PACSIN2: variants seen among roughly 807,000 people sequenced by gnomAD.
PACSIN2 encodes the protein protein kinase C and casein kinase substrate in neurons 2.
In PACSIN2, 25 loss-of-function variants were observed where a neutral mutation model predicts 63.8. That is an observed-to-expected ratio of 0.39 (90% CI 0.29 to 0.55). PACSIN2 has a LOEUF of 0.55. Among genes scored for constraint, PACSIN2 ranks in the 20% least tolerant of loss-of-function variants. PACSIN2 has a pLI of 0.62. For synonymous variants in PACSIN2, 255 were observed against 256.2 expected (o/e 1.00, Z 0.05); for missense variants, 518 against 646.9 (o/e 0.80, Z 2.16).
chr22:42,910,405 G>C (rs1931370072), intron 2 of PACSIN2, among the ~76,000 whole-genome samples: 1 of 152,238 alleles, frequency 6.6e-6, no homozygotes, highest in Non-Finnish European at 1.5e-5. Flanking sequence ...TCTCACAGCT[G>C]CTGCCAGCTC....
At chr22:42,884,353 T>C (rs1929308937) in intron 6 of PACSIN2, 33 bp downstream of exon 6, 1 of 1,589,426 alleles carries the variant, frequency 6.3e-7, no homozygotes, top group African/African-American at 1.3e-5. Context: ...TTGACTTCAA[T>C]GACGTGTGTG....
At chr22:42,937,050 A>G (rs1305449966) in intron 1 of PACSIN2, among the ~76,000 whole-genome samples, 1 of 152,254 alleles carries the variant, frequency 6.6e-6, no homozygotes, top group East Asian at 1.9e-4. Context: ...CTGTGCAGCC[A>G]CACGGTGTTC....
At position 42,876,203 on chromosome 22, in the gene PACSIN2, C is replaced by T; in HGVS notation, c.1282G>A (p.Glu428Lys). The change falls in exon 10 of 11, where the codon GAA (glutamate) becomes AAA (lysine). Residue 428 changes from glutamate to lysine, a missense_variant. Coordinates refer to ENST00000263246, the MANE Select transcript of PACSIN2 (RefSeq NM_001184970.3). Reference protein sequence around the residue: ...PFDDDATSGTEVRVRALYDYE... With the variant: ...PFDDDATSGTKVRVRALYDYE... Reference sequence around the variant, plus strand: ...TCATACAGGGCCCGGACTCGCACTTCCGTCCCCGAGGTGGCGTCGTCGTCG... The same window carrying T: ...TCATACAGGGCCCGGACTCGCACTTTCGTCCCCGAGGTGGCGTCGTCGTCG... 1 of 1,614,256 alleles carries T rather than the reference C, an allele frequency of 6.2e-7. No homozygotes were observed. The highest frequency in any genetic ancestry group is 8.5e-7 in the Non-Finnish European group (1 of 1,180,052).
In PACSIN2 at chr22:42,921,246, C is replaced by T. The variant is rs115733401; in HGVS notation, c.-77-9089G>A. Among the ~76,000 whole-genome samples, 1,289 of 151,970 alleles carry T rather than the reference C, an allele frequency of 8.5e-3. 18 individuals are homozygous for T. Among genetic ancestry groups the T allele is most frequent in the African/African-American group, 0.03 (1,246 of 41,442 alleles). ...TGGTGGCACACGCCTGTAGTTCTAG[C>T]TGCTCGGGAGGCTGAGCCAGGAGAA... On this transcript the variant is annotated intron_variant, in intron 1 of 10. Coordinates refer to ENST00000263246, the MANE Select transcript of PACSIN2 (RefSeq NM_001184970.3).
chr22:42,880,419 G>T (rs190039349), intron 7 of PACSIN2, among the ~76,000 whole-genome samples: 141 of 152,248 alleles, frequency 9.3e-4, no homozygotes, highest in Middle Eastern at 6.8e-3. Context: ...CATCCTGATT[G>T]GGTGGCTTCC....
At chr22:42,893,258 C>T (rs1930041276) in intron 3 of PACSIN2, among the ~76,000 whole-genome samples, 199 bp downstream of exon 3, 1 of 152,252 alleles carries the variant, frequency 6.6e-6, no homozygotes, top group Non-Finnish European at 1.5e-5. Flanking sequence ...TGGACAAAAG[C>T]TCATGGAGCC....
intron 1 of PACSIN2, among the ~76,000 whole-genome samples, chr22:42,930,970 T>G (rs1349124099): frequency 6.6e-6 from 1 of 152,072 alleles, no homozygotes; most frequent in African/African-American, 2.4e-5. Context: ...CTCTGAAGAG[T>G]GACAGGCTGG....
chr22:42,927,600 T>C (rs1218700272), intron 1 of PACSIN2, among the ~76,000 whole-genome samples: 1 of 151,490 alleles, frequency 6.6e-6, no homozygotes, highest in African/African-American at 2.4e-5. Flanking sequence ...TAGTTAGTTA[T>C]TTTTGAGACT....
chr22:42,988,766 G>C (rs1922804361), intron 1 of PACSIN2, among the ~76,000 whole-genome samples: 1 of 152,084 alleles, frequency 6.6e-6, no homozygotes, highest in Admixed American at 6.6e-5. Context: ...ACATTCCAAA[G>C]AAACATTTTC....
intron 1 of PACSIN2, among the ~76,000 whole-genome samples, chr22:42,988,011 C>A (rs2267486): frequency 0.61 from 92,216 of 151,684 alleles, 28,624 homozygotes; most frequent in East Asian, 0.77. Context: ...TGTGATGGCA[C>A]ATCCCTGTAG....
chr22:42,900,607 G>T (rs567253477), intron 2 of PACSIN2, among the ~76,000 whole-genome samples: 43 of 152,146 alleles, frequency 2.8e-4, no homozygotes, highest in Non-Finnish European at 5.0e-4. Context: ...CGAGTAGCTG[G>T]GACCACAGGT....
In PACSIN2 at chr22:42,940,630, T is replaced by A. The variant is rs182147937; in HGVS notation, c.-77-28473A>T. ...GAGAGGGGCCACCCCAGGTCCTGGG[T>A]TTCCCTATACCCAGCTGCTTCTCTT... On this transcript the variant is annotated intron_variant, in intron 1 of 10. Transcript: ENST00000263246. Among the ~76,000 whole-genome samples, 49 of 152,216 alleles carry A rather than the reference T, an allele frequency of 3.2e-4. No individual in the cohort carries two copies. In the Middle Eastern group the frequency reaches 0.014, roughly 42 times the overall value.
At chr22:42,986,831 C>T (rs2146896031) in intron 1 of PACSIN2, among the ~76,000 whole-genome samples, 1 of 152,278 alleles carries the variant, frequency 6.6e-6, no homozygotes, top group East Asian at 1.9e-4. Context: ...TCCTTTTCTA[C>T]CCATTCTAAA....
chr22:42,927,931 A>C (rs973321471), intron 1 of PACSIN2, among the ~76,000 whole-genome samples: 10 of 151,898 alleles, frequency 6.6e-5, no homozygotes, highest in African/African-American at 2.4e-4. Flanking sequence ...ATGGTCCCAT[A>C]CTCCACTGAG....
chr22:42,881,765 CT>C (rs1259786097), intron 7 of PACSIN2, among the ~76,000 whole-genome samples: 1 of 152,160 alleles, frequency 6.6e-6, no homozygotes, highest in Non-Finnish European at 1.5e-5. Context: ...GTAGGGAGGG[CT>C]GCCCACTGAG....
chr22:42,924,482 G>T (rs1932403792), intron 1 of PACSIN2, among the ~76,000 whole-genome samples: 1 of 152,116 alleles, frequency 6.6e-6, no homozygotes, highest in Admixed American at 6.5e-5. Context: ...CTCTCAAAAT[G>T]CAAGGCAGAC....
chr22:42,892,301 TCATG>T (rs950621806), intron 3 of PACSIN2, among the ~76,000 whole-genome samples: 1 of 151,744 alleles, frequency 6.6e-6, no homozygotes, highest in Admixed American at 6.6e-5. Context: ...GTGCGCTGAG[TCATG>T]ACAGAGGTGG....
At chr22:43,004,532 C>A (rs908574977) in intron 1 of PACSIN2, among the ~76,000 whole-genome samples, 1 of 152,198 alleles carries the variant, frequency 6.6e-6, no homozygotes, top group Non-Finnish European at 1.5e-5. Flanking sequence ...CCACTAATAG[C>A]GGGCTTGGAC....
chr22:42,915,042 ATTT>A (rs1456938415), intron 1 of PACSIN2, among the ~76,000 whole-genome samples: 3 of 152,068 alleles, frequency 2.0e-5, no homozygotes, highest in African/African-American at 7.2e-5. Context: ...TAAAAAAAAA[ATTT>A]ATGTGTGGAA....
Sources: gnomAD v4.1 joint callset for allele counts (sites outside exome capture counted in the v4.1 genomes callset) on GRCh38, gnomAD v4.1.1 for gene constraint, MANE v1.5 for transcripts, NCBI Gene and HGNC (gene_info 2026-07-23, HGNC 2026-07-21) for gene names.